Variants in SYNPR observed in about 807,000 individuals in gnomAD.
The protein encoded by SYNPR is synaptoporin.
In SYNPR, 23 loss-of-function variants were observed where a neutral mutation model predicts 32.9. That is an observed-to-expected ratio of 0.70 (90% CI 0.50 to 0.99). The LOEUF (loss-of-function observed/expected upper bound fraction) is 0.99. Ranked by LOEUF, SYNPR falls within the 50% of genes least tolerant of loss-of-function variation. SYNPR has a pLI of 0.00. For missense variants in SYNPR, 318 were observed against 349.3 expected (o/e 0.91, Z 0.71); for synonymous variants, 146 against 135.9 (o/e 1.07, Z -0.52).
At chr3:63,454,570 GA>G in intron 2 of SYNPR, among the ~76,000 whole-genome samples, 1 of 152,246 alleles carries the variant, frequency 6.6e-6, no homozygotes, top group South Asian at 2.1e-4. Flanking sequence ...TATGGCTCAG[GA>G]AGGCCATTTC....
At chr3:63,400,734 A>G (rs1410661296) in intron 2 of SYNPR, among the ~76,000 whole-genome samples, 2 of 152,226 alleles carry the variant, frequency 1.3e-5, no homozygotes, top group Non-Finnish European at 2.9e-5. Context: ...GTGTCAAAGA[A>G]TTTGTGGACA....
the SYNPR span, among the ~76,000 whole-genome samples, chr3:63,210,275 G>T: frequency 6.6e-6 from 1 of 152,308 alleles, no homozygotes; most frequent in Admixed American, 6.5e-5. Flanking sequence ...TGCTGAGAAT[G>T]GAGGAAAAGC....
At chr3:63,218,357 G>T in the SYNPR span, among the ~76,000 whole-genome samples, 3 of 152,130 alleles carry the variant, frequency 2.0e-5, no homozygotes, top group Non-Finnish European at 4.4e-5. Flanking sequence ...AGGGATGAAG[G>T]GAGTAGTTAA....
chr3:63,218,147 A>T, the SYNPR span, among the ~76,000 whole-genome samples: 1 of 152,204 alleles, frequency 6.6e-6, no homozygotes, highest in Non-Finnish European at 1.5e-5. Context: ...ATACATTAAT[A>T]AATAATAAAA....
In SYNPR at chr3:63,595,772, TTTATATATATATAG is replaced by T. The variant is rs1428368283; in HGVS notation, c.409-13325_409-13312del. Among the ~76,000 whole-genome samples, 9 of 54,644 alleles carry T rather than the reference TTTATATATATATAG, an allele frequency of 1.6e-4. 1 individual carries two copies. The highest frequency in any genetic ancestry group is 2.1e-4 in the Non-Finnish European group (7 of 33,468). 35.8% of individuals were successfully genotyped at this position (54,644 alleles called of 152,430 possible). A position where few individuals can be genotyped will look rare whatever the true frequency, so the allele number is the denominator to read the frequency against. ...ATATATATATATATATATATATAAT[TTTATATATATATAG>T]TTATATATATATAGTTATATATATA... On this transcript the variant is annotated intron_variant, in intron 4 of 5. Transcript: ENST00000478300.
intron 2 of SYNPR, among the ~76,000 whole-genome samples, chr3:63,439,905 C>G (rs1489044492): frequency 6.6e-6 from 1 of 152,146 alleles, no homozygotes; most frequent in Non-Finnish European, 1.5e-5. Flanking sequence ...CATTTATCCA[C>G]CAAATCTTTA....
chr3:63,538,636 T>C (rs1702250545), intron 3 of SYNPR, among the ~76,000 whole-genome samples: 1 of 152,132 alleles, frequency 6.6e-6, no homozygotes. Flanking sequence ...TGCATGTTTC[T>C]GCTTGCCATC....
In SYNPR at chr3:63,615,337, C is replaced by T. The variant is rs1700263815; in HGVS notation, c.714C>T (p.His238=). The T allele has an allele frequency of 6.2e-7, 1 of 1,613,872 alleles. No individual in the cohort carries two copies. The highest frequency in any genetic ancestry group is 8.5e-7 in the Non-Finnish European group (1 of 1,179,864). ...QRYLSDPMEK[H]SSSYNQGGYN... Reference sequence around the variant, plus strand: ...ATCTTTCAGATCCAATGGAGAAGCACTCCAGCAGCTATAATCAAGGTGGTT... The same window carrying T: ...ATCTTTCAGATCCAATGGAGAAGCATTCCAGCAGCTATAATCAAGGTGGTT... The change falls in exon 6 of 6, where the codon CAC becomes CAT. Residue 238 remains histidine, a synonymous_variant. Transcript: ENST00000478300.
intron 2 of SYNPR, among the ~76,000 whole-genome samples, chr3:63,411,539 C>T (rs1055394928): frequency 3.3e-5 from 5 of 152,036 alleles, no homozygotes; most frequent in South Asian, 2.1e-4. Flanking sequence ...ATACACATAA[C>T]GACCAAGTGT....
chr3:63,502,727 G>A (rs1701506318), intron 3 of SYNPR, among the ~76,000 whole-genome samples: 1 of 151,962 alleles, frequency 6.6e-6, no homozygotes, highest in South Asian at 2.1e-4. Context: ...TAGCTTGGTA[G>A]CTCCTTTCTT....
intron 1 of SYNPR, among the ~76,000 whole-genome samples, chr3:63,234,284 C>G (rs1035579518): frequency 6.6e-6 from 1 of 152,116 alleles, no homozygotes; most frequent in African/African-American, 2.4e-5. Flanking sequence ...ACGGGAAAGA[C>G]TTGCTCACAT....
intron 2 of SYNPR, among the ~76,000 whole-genome samples, chr3:63,327,724 A>G (rs1394808794): frequency 2.0e-5 from 3 of 152,288 alleles, no homozygotes; most frequent in African/African-American, 7.2e-5. Context: ...GTTCAAAAAT[A>G]TTTTTAAAAA....
At chr3:63,366,050 T>C (rs1560206702) in intron 2 of SYNPR, among the ~76,000 whole-genome samples, 1 of 152,246 alleles carries the variant, frequency 6.6e-6, no homozygotes, top group Non-Finnish European at 1.5e-5. Flanking sequence ...CATAAATATT[T>C]GCATTTAGTA....
intron 3 of SYNPR, among the ~76,000 whole-genome samples, chr3:63,514,874 C>T (rs771804610): frequency 6.6e-6 from 1 of 152,040 alleles, no homozygotes; most frequent in Non-Finnish European, 1.5e-5. Flanking sequence ...GGGGCAGGAG[C>T]TTGGCAGTCC....
chr3:63,359,800 T>A (rs999737802), intron 2 of SYNPR, among the ~76,000 whole-genome samples: 1 of 152,192 alleles, frequency 6.6e-6, no homozygotes, highest in African/African-American at 2.4e-5. Context: ...AGTCTCCATA[T>A]TGATATGGTG....
At chr3:63,424,063 G>C (rs1237224274) in intron 2 of SYNPR, among the ~76,000 whole-genome samples, 1 of 152,144 alleles carries the variant, frequency 6.6e-6, no homozygotes, top group African/African-American at 2.4e-5. Context: ...TTCTAAAACA[G>C]AAAAGGCACA....
chr3:63,207,266 C>T, the SYNPR span, among the ~76,000 whole-genome samples: 1 of 152,194 alleles, frequency 6.6e-6, no homozygotes, highest in African/African-American at 2.4e-5. Context: ...GTCAGCTTGA[C>T]ACATACTCAG....
Position 63,560,282 on chromosome 3 carries a change from G to C in SYNPR, c.408+3541G>C, listed in dbSNP as rs117510313. Among the ~76,000 whole-genome samples, 419 of 152,294 alleles carry C rather than the reference G, an allele frequency of 2.8e-3. 10 individuals carry two copies. The East Asian group carries it at 0.057, about 21-fold the overall frequency. Reference sequence around the variant, plus strand: ...CTGAATCATAGGAGTCACAGAGGCAGATTGCATGTAGATCAGCAGGATGCC... The same window carrying C: ...CTGAATCATAGGAGTCACAGAGGCACATTGCATGTAGATCAGCAGGATGCC... On this transcript the variant is annotated intron_variant, in intron 4 of 5. Transcript: ENST00000478300.
At chr3:63,339,414 G>A (rs760868053) in intron 2 of SYNPR, among the ~76,000 whole-genome samples, 14 of 152,166 alleles carry the variant, frequency 9.2e-5, no homozygotes, top group Non-Finnish European at 1.5e-4. Context: ...AATACATTAA[G>A]ATCCCATGTG....
Sources: allele counts gnomAD v4.1 joint callset (sites outside exome capture counted in the v4.1 genomes callset), GRCh38; gene constraint gnomAD v4.1.1; transcripts MANE v1.5; gene names NCBI Gene and HGNC (gene_info 2026-07-23, HGNC 2026-07-21).